The following KCNJ6 variants were observed in gnomAD, a reference collection of about 807,000 sequenced individuals.
KCNJ6 encodes potassium inwardly rectifying channel subfamily J member 6.
KCNJ6 carries 9 observed loss-of-function variants against 34.2 expected under a neutral mutation model. The ratio of observed to expected loss-of-function variants is 0.26; its 90% confidence interval spans 0.16 to 0.46. The LOEUF is 0.46. Among genes scored for constraint, KCNJ6 ranks in the 20% least tolerant of loss-of-function variants. The pLI, the probability that KCNJ6 is intolerant of heterozygous loss-of-function variation, is 1.00. For synonymous variants in KCNJ6, 196 were observed against 207.1 expected (o/e 0.95, Z 0.46); for missense variants, 236 against 531.3 (o/e 0.44, Z 5.46).
At chr21:37,763,932 C>T (rs1180328534) in intron 2 of KCNJ6, among the ~76,000 whole-genome samples, 1 of 152,052 alleles carries the variant, frequency 6.6e-6, no homozygotes, top group Admixed American at 6.5e-5. Flanking sequence ...GCACATGTAC[C>T]CTAGAACTTA....
chr21:37,883,762 AG>A (rs2055721565), intron 1 of KCNJ6, among the ~76,000 whole-genome samples: 1 of 152,230 alleles, frequency 6.6e-6, no homozygotes, highest in Non-Finnish European at 1.5e-5. Flanking sequence ...AAAATTGTTC[AG>A]ATTCCTTTCA....
At chr21:37,847,011 C>T (rs2055512372) in intron 1 of KCNJ6, among the ~76,000 whole-genome samples, 1 of 152,088 alleles carries the variant, frequency 6.6e-6, no homozygotes, top group South Asian at 2.1e-4. Flanking sequence ...ATTTATGTTG[C>T]CTTGAGTTGC....
intron 3 of KCNJ6, among the ~76,000 whole-genome samples, chr21:37,689,463 T>C (rs577191786): frequency 2.0e-5 from 3 of 152,342 alleles, no homozygotes; most frequent in African/African-American, 7.2e-5. Context: ...GTTCTCATCC[T>C]GTCTCTTTGT....
At chr21:37,747,844 C>G (rs1254653520) in intron 2 of KCNJ6, among the ~76,000 whole-genome samples, 1 of 152,228 alleles carries the variant, frequency 6.6e-6, no homozygotes, top group African/African-American at 2.4e-5. Context: ...AGTTAGACTT[C>G]TAACCCGCAG....
chr21:37,724,597 C>T (rs921090989), intron 2 of KCNJ6, among the ~76,000 whole-genome samples: 1 of 152,022 alleles, frequency 6.6e-6, no homozygotes, highest in Non-Finnish European at 1.5e-5. Flanking sequence ...GACCCAATGG[C>T]GGTTGGGTAG....
chr21:37,687,311 G>A (rs1162335746), intron 3 of KCNJ6, among the ~76,000 whole-genome samples: 1 of 152,140 alleles, frequency 6.6e-6, no homozygotes, highest in East Asian at 1.9e-4. Flanking sequence ...CTTTTCAGTT[G>A]TCATGCAAGC....
intron 2 of KCNJ6, among the ~76,000 whole-genome samples, chr21:37,815,896 C>T (rs2055344513): frequency 6.6e-6 from 1 of 152,208 alleles, no homozygotes; most frequent in African/African-American, 2.4e-5. Context: ...CTGCGCATGA[C>T]ACGGCAGGCA....
intron 2 of KCNJ6, among the ~76,000 whole-genome samples, chr21:37,834,264 T>C (rs1317912019): frequency 2.0e-5 from 3 of 152,220 alleles, no homozygotes; most frequent in Admixed American, 2.0e-4. Context: ...ACCTCTCCTA[T>C]CTGCCCAGTC....
rs542524735 is a variant in KCNJ6, at chr21:37,718,479, G to T, written c.26-3348C>A. Among the ~76,000 whole-genome samples the T allele has an allele frequency of 3.4e-3, 514 of 152,332 alleles. 4 individuals carry two copies. The highest frequency in any genetic ancestry group is 5.5e-3 in the Non-Finnish European group (373 of 68,030). On this transcript the variant is annotated intron_variant, in intron 2 of 3. Transcript: ENST00000609713. Reference sequence around the variant, plus strand: ...AGATGAATGTCTGGGTTTAGTGTTTGTAATGAATTAGTCTGGGGTTAATTA... The same window carrying T: ...AGATGAATGTCTGGGTTTAGTGTTTTTAATGAATTAGTCTGGGGTTAATTA...
intron 3 of KCNJ6, among the ~76,000 whole-genome samples, chr21:37,629,466 T>C (rs1490733075): frequency 6.6e-6 from 1 of 152,112 alleles, no homozygotes; most frequent in Non-Finnish European, 1.5e-5. Flanking sequence ...ATGTTTGAGA[T>C]GGGATCTTTA....
Position 37,661,438 on chromosome 21 carries a change from C to T in KCNJ6, c.947-35954G>A, listed in dbSNP as rs9978028. On this transcript the variant is annotated intron_variant, in intron 3 of 3. Coordinates refer to ENST00000609713, the MANE Select transcript of KCNJ6 (RefSeq NM_002240.5). ...CAGAGTGATGTGCTACATCAATACT[C>T]ATTTCTTCCCTTTTCTGTAATTTTG... 2.5e-3 allele frequency among the ~76,000 whole-genome samples: 387 copies of T among 152,240 alleles called. 2 individuals are homozygous for T. Among genetic ancestry groups the T allele is most frequent in the Non-Finnish European group, 3.2e-3 (217 of 68,030 alleles).
Position 37,782,089 on chromosome 21 carries a change from G to C in KCNJ6, c.25+58569C>G, listed in dbSNP as rs141056811. 7.7e-3 allele frequency among the ~76,000 whole-genome samples: 1,170 copies of C among 152,294 alleles called. 16 individuals carry two copies. Among genetic ancestry groups the C allele is most frequent in the African/African-American group, 0.027 (1,105 of 41,548 alleles). On this transcript the variant is annotated intron_variant, in intron 2 of 3. Transcript: ENST00000609713. ...AGCTCCTTACAAGAGCATGGCAGGA[G>C]AGTTAGTGTCAGAGAGAGACGGATG... is the stretch of plus-strand genomic sequence containing the variant.
At chr21:37,659,088 A>G (rs187884239) in intron 3 of KCNJ6, among the ~76,000 whole-genome samples, 1 of 152,396 alleles carries the variant, frequency 6.6e-6, no homozygotes, top group African/African-American at 2.4e-5. Flanking sequence ...TAAGGGCTTC[A>G]GTTGCTAAGA....
chr21:37,890,060 A>G (rs913505159), intron 1 of KCNJ6, among the ~76,000 whole-genome samples: 1 of 152,202 alleles, frequency 6.6e-6, no homozygotes, highest in Non-Finnish European at 1.5e-5. Context: ...ATACTTCCAT[A>G]TTAGTCTTCT....
chr21:37,651,673 C>T (rs950961382), intron 3 of KCNJ6, among the ~76,000 whole-genome samples: 1 of 152,156 alleles, frequency 6.6e-6, no homozygotes, highest in Admixed American at 6.5e-5. Context: ...GACTGAGCAC[C>T]TGGGTGGACA....
chr21:37,683,138 A>G (rs189628054), intron 3 of KCNJ6, among the ~76,000 whole-genome samples: 1 of 152,378 alleles, frequency 6.6e-6, no homozygotes, highest in African/African-American at 2.4e-5. Flanking sequence ...CCTGATTTAC[A>G]TTATAATTTC....
intron 1 of KCNJ6, among the ~76,000 whole-genome samples, chr21:37,909,846 C>T (rs1421708544): frequency 6.6e-6 from 1 of 152,160 alleles, no homozygotes; most frequent in Non-Finnish European, 1.5e-5. Context: ...TATTCTCTTC[C>T]CTCTCTGAAA....
intron 2 of KCNJ6, among the ~76,000 whole-genome samples, chr21:37,798,007 G>C (rs1468507762): frequency 6.6e-6 from 1 of 152,192 alleles, no homozygotes; most frequent in African/African-American, 2.4e-5. Flanking sequence ...TTGCAGTCTA[G>C]AGCTTCCTAG....
chr21:37,847,723 G>A (rs2055516541), intron 1 of KCNJ6, among the ~76,000 whole-genome samples: 1 of 150,968 alleles, frequency 6.6e-6, no homozygotes, highest in African/African-American at 2.4e-5. Context: ...GAGGAACAGA[G>A]GGAGCAAAGA....
Sources: gnomAD v4.1 joint callset for allele counts (sites outside exome capture counted in the v4.1 genomes callset) on GRCh38, gnomAD v4.1.1 for gene constraint, MANE v1.5 for transcripts, NCBI Gene and HGNC (gene_info 2026-07-23, HGNC 2026-07-21) for gene names.